FOXP1: variants seen among roughly 807,000 people sequenced by gnomAD.
FOXP1 encodes forkhead box P1, also known as forkhead box protein P1.
In FOXP1, 15 loss-of-function variants were observed where a neutral mutation model predicts 98.2. The observed-to-expected ratio is 0.15, with a 90% CI of 0.10 to 0.24. The LOEUF (loss-of-function observed/expected upper bound fraction) is 0.24, where lower values mean the gene tolerates loss of function less well. Ranked by LOEUF, FOXP1 falls within the 10% of genes least tolerant of loss-of-function variation. FOXP1 has a pLI of 1.00. For missense variants in FOXP1, 633 were observed against 848.5 expected (o/e 0.75, Z 3.15); for synonymous variants, 371 against 314.5 (o/e 1.18, Z -1.90).
intron 7 of FOXP1, among the ~76,000 whole-genome samples, chr3:71,086,018 G>A (rs969149797): frequency 6.6e-5 from 10 of 151,986 alleles, no homozygotes; most frequent in East Asian, 3.9e-4. Flanking sequence ...GTGAGCCACC[G>A]CACATTTACG....
At chr3:71,434,392 C>T (rs1280759160) in intron 3 of FOXP1, among the ~76,000 whole-genome samples, 2 of 152,156 alleles carry the variant, frequency 1.3e-5, no homozygotes, top group Non-Finnish European at 2.9e-5. Flanking sequence ...TCCCAAGTCC[C>T]TCTTGCTGCA....
Position 71,251,793 on chromosome 3 carries a change from G to C in FOXP1, c.-12+48027C>G, listed in dbSNP as rs186245219. Among the ~76,000 whole-genome samples, 163 of 152,314 alleles carry C rather than the reference G, an allele frequency of 1.1e-3. 1 individual carries two copies. Among genetic ancestry groups the C allele is most frequent in the African/African-American group, 3.8e-3 (157 of 41,562 alleles). On this transcript the variant is annotated intron_variant, in intron 5 of 20. Transcript: ENST00000649528. ...GAATCCAAAAGTACACTGTCATTCTGAATAATTGTATATGTATCTCCTTTG... is the reference window on the plus strand; with the variant it reads ...GAATCCAAAAGTACACTGTCATTCTCAATAATTGTATATGTATCTCCTTTG...
intron 6 of FOXP1, among the ~76,000 whole-genome samples, chr3:71,114,977 TCTC>T (rs908518319): frequency 6.6e-5 from 10 of 152,198 alleles, no homozygotes; most frequent in South Asian, 2.1e-4. Flanking sequence ...AAAAGCCTCT[TCTC>T]CTACTATATA....
chr3:70,977,970 G>A lies in FOXP1; in HGVS notation c.1206C>T (p.Ser402=). ...SKSASEASPQ[S]LPHTPTTPTA... The stretch of plus-strand genomic sequence containing the variant: ...TTGGGGTCGTTGGAGTATGAGGTAA[G>A]CTCTGTGGAGAAGCCTCCGATGCGG... The change falls in exon 15 of 21, where the codon AGC becomes AGT. Residue 402 remains serine (S), a synonymous_variant. Coordinates refer to ENST00000649528, the MANE Select transcript of FOXP1 (RefSeq NM_001349338.3). 6.2e-7 allele frequency: 1 copy of A among 1,614,168 alleles called. No homozygotes were observed. The highest frequency in any genetic ancestry group is 8.5e-7 in the Non-Finnish European group (1 of 1,180,014).
At chr3:71,532,203 A>G (rs1326805368) in intron 2 of FOXP1, among the ~76,000 whole-genome samples, 1 of 152,092 alleles carries the variant, frequency 6.6e-6, no homozygotes, top group African/African-American at 2.4e-5. Flanking sequence ...GGGCTCAAGC[A>G]ATCCTCCCGC....
intron 7 of FOXP1, among the ~76,000 whole-genome samples, chr3:71,062,439 A>C (rs528333603): frequency 1.3e-5 from 2 of 152,308 alleles, no homozygotes; most frequent in Admixed American, 1.3e-4. Flanking sequence ...TTTGACACTT[A>C]GGTTGTTTTC....
At chr3:71,143,041 C>T (rs1247815052) in intron 6 of FOXP1, among the ~76,000 whole-genome samples, 1 of 152,100 alleles carries the variant, frequency 6.6e-6, no homozygotes, top group South Asian at 2.1e-4. Flanking sequence ...GGGGAGCAAT[C>T]GCTTCTCCTC....
At chr3:71,046,536 A>G (rs781140197) in intron 10 of FOXP1, among the ~76,000 whole-genome samples, 4 of 152,244 alleles carry the variant, frequency 2.6e-5, no homozygotes, top group Non-Finnish European at 5.9e-5. Flanking sequence ...TTTATAAAGC[A>G]TTACTAAGAT....
At chr3:71,433,849 G>A (rs1485394060) in intron 3 of FOXP1, among the ~76,000 whole-genome samples, 1 of 152,182 alleles carries the variant, frequency 6.6e-6, no homozygotes, top group Non-Finnish European at 1.5e-5. Flanking sequence ...ACACTTACCT[G>A]CATTGTCTGC....
At position 71,384,246 on chromosome 3, in the gene FOXP1, C is replaced by A. The variant is rs139647288; in HGVS notation, c.-167-25002G>T. Among the ~76,000 whole-genome samples, 815 of 151,554 alleles carry A rather than the reference C, an allele frequency of 5.4e-3. 6 individuals are homozygous for A. The highest frequency in any genetic ancestry group is 6.0e-3 in the Non-Finnish European group (408 of 67,736). ...CAAACAAACAAACAAACAAACAAACCAACAAACAAACAGGCTGTTAAACAT... is the reference window on the plus strand; with the variant it reads ...CAAACAAACAAACAAACAAACAAACAAACAAACAAACAGGCTGTTAAACAT... On this transcript the variant is annotated intron_variant, in intron 3 of 20. Transcript: ENST00000649528.
At chr3:71,382,547 A>C (rs1316353770) in intron 3 of FOXP1, among the ~76,000 whole-genome samples, 2 of 152,206 alleles carry the variant, frequency 1.3e-5, no homozygotes, top group African/African-American at 4.8e-5. Context: ...AATTTTTCTG[A>C]AAATCCTAAG....
At chr3:71,495,852 C>A (rs545097018) in intron 2 of FOXP1, among the ~76,000 whole-genome samples, 2 of 152,130 alleles carry the variant, frequency 1.3e-5, no homozygotes, top group African/African-American at 4.8e-5. Context: ...CTGGTACTAA[C>A]AATCATGGGC....
At chr3:71,013,930 G>C (rs1316002646) in intron 12 of FOXP1, among the ~76,000 whole-genome samples, 1 of 152,158 alleles carries the variant, frequency 6.6e-6, no homozygotes, top group African/African-American at 2.4e-5. Flanking sequence ...ATGGTGCTGG[G>C]AAAACTGGCT....
At chr3:71,428,604 G>C (rs1428442356) in intron 3 of FOXP1, among the ~76,000 whole-genome samples, 1 of 152,224 alleles carries the variant, frequency 6.6e-6, no homozygotes, top group Non-Finnish European at 1.5e-5. Context: ...AGTCCCTATT[G>C]AGAGTCCATT....
At chr3:71,493,752 T>C (rs2091223011) in intron 2 of FOXP1, among the ~76,000 whole-genome samples, 197 bp from the exon 3 acceptor site, 1 of 152,204 alleles carries the variant, frequency 6.6e-6, no homozygotes, top group Non-Finnish European at 1.5e-5. Flanking sequence ...CATTTACTAA[T>C]CACTTCAACA....
intron 2 of FOXP1, 98 bp downstream of exon 2, chr3:71,581,451 C>A (rs1462408984): frequency 6.1e-6 from 6 of 985,366 alleles, no homozygotes; most frequent in Non-Finnish European, 7.2e-6. Context: ...GCTAGGCTCG[C>A]GCCACCCCGG....
At chr3:71,077,926 G>A (rs770187581) in intron 7 of FOXP1, among the ~76,000 whole-genome samples, 4 of 151,530 alleles carry the variant, frequency 2.6e-5, no homozygotes, top group Non-Finnish European at 4.4e-5. Flanking sequence ...TCCACCTCCC[G>A]GGTTCAAGCA....
chr3:71,044,767 T>C (rs2048800936), intron 10 of FOXP1, among the ~76,000 whole-genome samples: 1 of 152,202 alleles, frequency 6.6e-6, no homozygotes, highest in South Asian at 2.1e-4. Flanking sequence ...AAAATGTATG[T>C]TGTGGGGACA....
intron 2 of FOXP1, among the ~76,000 whole-genome samples, chr3:71,501,299 T>C (rs1473935349): frequency 4.0e-5 from 6 of 149,412 alleles, no homozygotes; most frequent in South Asian, 2.1e-4. Context: ...TTTTCTTTTT[T>C]TTTTTTTTTT....
Sources: gnomAD v4.1 joint callset for allele counts (sites outside exome capture counted in the v4.1 genomes callset) on GRCh38, gnomAD v4.1.1 for gene constraint, MANE v1.5 for transcripts, NCBI Gene and HGNC (gene_info 2026-07-23, HGNC 2026-07-21) for gene names.